Variants in DUSP10 observed in about 807,000 individuals in gnomAD.
DUSP10 encodes the protein dual specificity protein phosphatase 10.
A neutral mutation model predicts 30.8 loss-of-function variants in DUSP10; 14 were observed. The ratio of observed to expected loss-of-function variants is 0.46; its 90% CI spans 0.30 to 0.71. The LOEUF is 0.71. Ranked by LOEUF, DUSP10 falls within the 30% of genes least tolerant of loss-of-function variation. The pLI, the probability that DUSP10 is intolerant of heterozygous loss-of-function variation, is 0.08. For missense variants in DUSP10, 550 were observed against 619.4 expected, an observed-to-expected ratio of 0.89 and a Z score of 1.19; for synonymous variants, 254 against 250.4, an observed-to-expected ratio of 1.01 and a Z score of -0.14.
Position 221,706,564 on chromosome 1 carries a change from A to G in DUSP10, c.812-98T>C, listed in dbSNP as rs1008131726. ...AATGAGTTTGCATTGTAGCTCATGCATATTTTAAATACATATATAAATATG... is the reference window on the plus strand; with the variant it reads ...AATGAGTTTGCATTGTAGCTCATGCGTATTTTAAATACATATATAAATATG... On this transcript the variant is annotated intron_variant, in intron 2 of 3. Coordinates refer to ENST00000366899, the MANE Select transcript of DUSP10 (RefSeq NM_007207.6). This position sits in a 1 kb window ranked among gnomAD's most constrained non-coding sequence, Gnocchi z 4.6. 6 of 792,324 alleles carry G rather than the reference A, an allele frequency of 7.6e-6. No homozygotes were observed. The highest frequency in any genetic ancestry group is 1.1e-5 in the Non-Finnish European group (6 of 542,020). 49.1% of individuals were successfully genotyped at this position (792,324 alleles called of 1,614,324 possible).
chr1:221,706,212 T>C lies in DUSP10; in HGVS notation c.1066A>G (p.Thr356Ala), dbSNP rs1349235445. The change falls in exon 3 of 4, where the codon ACT (threonine) becomes GCT (alanine). Residue 356 changes from threonine to alanine, a missense_variant. Transcript: ENST00000366899. The surrounding 1 kb of genome is among the most constrained non-coding windows in gnomAD (Gnocchi z 4.6). ...TCATAGTGGTAGAGGGGAAGATGAGTGGTGACGTTGATGACGTAGCCGATG... is the reference window on the plus strand; with the variant it reads ...TCATAGTGGTAGAGGGGAAGATGAGCGGTGACGTTGATGACGTAGCCGATG... ...LNIGYVINVT[T>A]HLPLYHYEKG... 2.5e-6 allele frequency: 4 copies of C among 1,613,938 alleles called. No homozygotes were observed. The highest frequency in any genetic ancestry group is 2.5e-6 in the Non-Finnish European group (3 of 1,179,962).
intron 2 of DUSP10, among the ~76,000 whole-genome samples, chr1:221,734,262 A>C (rs1413197148): frequency 6.6e-6 from 1 of 152,236 alleles, no homozygotes; most frequent in Non-Finnish European, 1.5e-5. Context: ...AATTTCCCTA[A>C]AACAAATAAT....
At chr1:221,714,266 G>A (rs1385436110) in intron 2 of DUSP10, among the ~76,000 whole-genome samples, 2 of 152,188 alleles carry the variant, frequency 1.3e-5, no homozygotes, top group East Asian at 3.8e-4. Context: ...TAGGCAGATA[G>A]TGAGGGTACA....
intron 2 of DUSP10, among the ~76,000 whole-genome samples, chr1:221,738,226 T>TG (rs1177095689): frequency 6.6e-6 from 1 of 152,236 alleles, no homozygotes; most frequent in Non-Finnish European, 1.5e-5. Context: ...AGTGACCCAT[T>TG]ACTCCATCTT....
At chr1:221,736,330 A>C (rs1661770040) in intron 2 of DUSP10, among the ~76,000 whole-genome samples, 1 of 152,184 alleles carries the variant, frequency 6.6e-6, no homozygotes, top group Non-Finnish European at 1.5e-5. Context: ...AAATCTCTGA[A>C]AATAAACTAA....
At chr1:221,716,682 C>A (rs1235866448) in intron 2 of DUSP10, among the ~76,000 whole-genome samples, 2 of 152,228 alleles carry the variant, frequency 1.3e-5, no homozygotes, top group Non-Finnish European at 2.9e-5. Flanking sequence ...CTACCAAGAT[C>A]CAGTCTGGGG....
intron 1 of DUSP10, among the ~76,000 whole-genome samples, chr1:221,740,583 C>T (rs1412982134): frequency 6.6e-6 from 1 of 152,184 alleles, no homozygotes; most frequent in Non-Finnish European, 1.5e-5. Flanking sequence ...TCTCACCTGC[C>T]CCCGCCCTCA....
intron 2 of DUSP10, among the ~76,000 whole-genome samples, chr1:221,721,308 G>A (rs1454130937): frequency 2.0e-5 from 3 of 152,160 alleles, no homozygotes; most frequent in Non-Finnish European, 2.9e-5. Context: ...ATGGATTTGC[G>A]AGATTTGATT....
At chr1:221,716,976 G>A (rs1172268524) in intron 2 of DUSP10, among the ~76,000 whole-genome samples, 1 of 152,140 alleles carries the variant, frequency 6.6e-6, no homozygotes, top group Non-Finnish European at 1.5e-5. Context: ...TGAGTGACAC[G>A]CTGCAGAGGC....
At position 221,737,766 on chromosome 1, in the gene DUSP10, C is replaced by G. The variant is rs146401050; in HGVS notation, c.811+1168G>C. Among the ~76,000 whole-genome samples, 238 of 152,242 alleles carry G rather than the reference C, an allele frequency of 1.6e-3. 1 individual carries two copies. Among genetic ancestry groups the G allele is most frequent in the African/African-American group, 5.4e-3 (225 of 41,528 alleles). ...ACTGCTTAACAAAAGGCAGAATGCC[C>G]CACTGGGAAGACAAGAAGGAGAATG... On this transcript the variant is annotated intron_variant, in intron 2 of 3. Transcript: ENST00000366899.
intron 3 of DUSP10, among the ~76,000 whole-genome samples, chr1:221,703,274 C>A (rs574958114): frequency 6.6e-6 from 1 of 151,784 alleles, no homozygotes; most frequent in African/African-American, 2.4e-5. Flanking sequence ...TTCCAATTTT[C>A]GGTTGTGTGA....
At chr1:221,727,899 C>G (rs1661470452) in intron 2 of DUSP10, among the ~76,000 whole-genome samples, 1 of 152,096 alleles carries the variant, frequency 6.6e-6, no homozygotes, top group South Asian at 2.1e-4. Context: ...TTGAATATGT[C>G]CCCCAAAGTT....
chr1:221,717,378 G>GA (rs941749132), intron 2 of DUSP10, among the ~76,000 whole-genome samples: 6 of 152,020 alleles, frequency 3.9e-5, no homozygotes, highest in Admixed American at 3.9e-4. Flanking sequence ...AGTTCAGTGG[G>GA]AAGCTCCTGA....
chr1:221,741,155 T>G (rs1661943021), intron 1 of DUSP10, among the ~76,000 whole-genome samples: 1 of 152,218 alleles, frequency 6.6e-6, no homozygotes, highest in Non-Finnish European at 1.5e-5. Flanking sequence ...CTCCAACGAC[T>G]CGGGTTTCTC....
intron 3 of DUSP10, among the ~76,000 whole-genome samples, chr1:221,705,161 G>A (rs985005405): frequency 1.3e-5 from 2 of 150,762 alleles, no homozygotes; most frequent in Non-Finnish European, 2.9e-5. Context: ...CCAGGCTGGA[G>A]TGCAGTGGCG....
Position 221,702,421 on chromosome 1 carries a change from C to T in DUSP10, c.1440G>A (p.Thr480=), listed in dbSNP as rs748572339. Reference sequence around the variant, plus strand: ...TCCATCCAGACCATTGTCACACAACCGTCTCCACGCCCATCAGCTTTGGTG... The same window carrying T: ...TCCATCCAGACCATTGTCACACAACTGTCTCCACGCCCATCAGCTTTGGTG... ...ILTPKLMGVE[T]VV The change falls in exon 4 of 4, where the codon ACG becomes ACA. Residue 480 remains threonine, a synonymous_variant. Transcript: ENST00000366899. This position sits in a 1 kb window ranked among gnomAD's most constrained non-coding sequence, Gnocchi z 4.5. 2.0e-5 allele frequency: 32 copies of T among 1,613,784 alleles called. No individual in the cohort carries two copies. Among genetic ancestry groups the T allele is most frequent in the Non-Finnish European group, 2.7e-5 (32 of 1,179,948 alleles).
Position 221,706,131 on chromosome 1 carries a change from G to A in DUSP10, c.1147C>T (p.Leu383=). The A allele has an allele frequency of 6.2e-7, 1 of 1,614,168 alleles. No homozygotes were observed. The highest frequency in any genetic ancestry group is 8.5e-7 in the Non-Finnish European group (1 of 1,180,028). The change falls in exon 3 of 4, where the codon CTG becomes TTG. Residue 383 remains leucine (L), a synonymous_variant. Coordinates refer to ENST00000366899, the MANE Select transcript of DUSP10 (RefSeq NM_007207.6). The surrounding 1 kb of genome is among the most constrained non-coding windows in gnomAD (Gnocchi z 4.6). The part of the protein sequence containing the change: ...LPATDSNKQN[L]RQYFEEAFEF... ...AAAGCCTCTTCAAAGTACTGCCGCA[G>A]GTTCTGCTTGTTGCTGTCAGTGGCT...
Position 221,706,177 on chromosome 1 carries a change from C to T in DUSP10, c.1101G>A (p.Leu367=), listed in dbSNP as rs1660753726. The change falls in exon 3 of 4, where the codon CTG becomes CTA. Residue 367 remains leucine (L), a synonymous_variant. Transcript: ENST00000366899. This position sits in a 1 kb window ranked among gnomAD's most constrained non-coding sequence, Gnocchi z 4.6. ...TGGCTGGCAGCCGCTTGTAGTTGAA[C>T]AGGCCTTTCTCATAGTGGTAGAGGG... ...HLPLYHYEKG[L]FNYKRLPATD... 1 of 1,614,010 alleles carries T rather than the reference C, an allele frequency of 6.2e-7. No individual in the cohort carries two copies. Among genetic ancestry groups the T allele is most frequent in the African/African-American group, 1.3e-5 (1 of 74,902 alleles).
chr1:221,703,722 A>G (rs1439233807), intron 3 of DUSP10, among the ~76,000 whole-genome samples: 4 of 152,228 alleles, frequency 2.6e-5, no homozygotes, highest in Non-Finnish European at 5.9e-5. Context: ...ATTCTTAATG[A>G]CATTTCTAGA....
Sources: gnomAD v4.1 joint callset for allele counts (sites outside exome capture counted in the v4.1 genomes callset) on GRCh38, gnomAD v4.1.1 for gene constraint, Gnocchi (gnomAD v3.1) non-coding constraint, MANE v1.5 for transcripts, NCBI Gene and HGNC (gene_info 2026-07-23, HGNC 2026-07-21) for gene names.